The following CYP3A5 variants were observed in gnomAD, a reference collection of about 807,000 sequenced individuals.
CYP3A5 encodes cytochrome P450 family 3 subfamily A member 5, also known as cytochrome P450 3A5.
CYP3A5 carries 51 observed loss-of-function variants against 55.9 expected under a neutral mutation model. That is an observed-to-expected ratio of 0.91 (90% CI 0.73 to 1.15). CYP3A5 has a LOEUF of 1.15. CYP3A5 is among the 50% of genes most tolerant of loss of function. The pLI is 0.00. For missense variants in CYP3A5, 533 were observed against 596.6 expected (o/e 0.89, Z 1.11); for synonymous variants, 196 against 213.9 (o/e 0.92, Z 0.73).
At chr7:99,656,476 G>A (rs1023125806) in intron 10 of CYP3A5, among the ~76,000 whole-genome samples, 5 of 152,046 alleles carry the variant, frequency 3.3e-5, no homozygotes, top group African/African-American at 1.2e-4. Context: ...TGCTGGATTC[G>A]GTTTGCCAGT....
intron 10 of CYP3A5, among the ~76,000 whole-genome samples, chr7:99,656,394 C>T (rs1050967888): frequency 6.6e-5 from 10 of 152,054 alleles, no homozygotes; most frequent in African/African-American, 1.7e-4. Context: ...TATTGATTTG[C>T]GTATGTTGAA....
At chr7:99,667,207 C>A in intron 4 of CYP3A5, 142 bp from the exon 5 acceptor site, 1 of 447,046 alleles carries the variant, frequency 2.2e-6, no homozygotes, top group Non-Finnish European at 3.4e-6. Flanking sequence ...TCAAGATGCT[C>A]AATGGAGATC....
intron 11 of CYP3A5, among the ~76,000 whole-genome samples, chr7:99,651,828 A>C (rs752526859): frequency 2.6e-4 from 40 of 152,150 alleles, no homozygotes; most frequent in Non-Finnish European, 5.3e-4. Flanking sequence ...TCCAAGGAGG[A>C]GTGTGTGAGA....
intron 6 of CYP3A5, among the ~76,000 whole-genome samples, chr7:99,666,285 C>T (rs1051008793): frequency 6.6e-6 from 1 of 152,178 alleles, no homozygotes; most frequent in African/African-American, 2.4e-5. Flanking sequence ...GTTCCATATC[C>T]ACTACACTCA....
intron 1 of CYP3A5, among the ~76,000 whole-genome samples, chr7:99,679,456 A>T (rs2151469154): frequency 6.6e-6 from 1 of 152,274 alleles, no homozygotes. Context: ...TGTACCCAGA[A>T]TCCCCAGAGC....
At chr7:99,673,815 G>A (rs1301631780) in intron 3 of CYP3A5, among the ~76,000 whole-genome samples, 1 of 152,322 alleles carries the variant, frequency 6.6e-6, no homozygotes, top group South Asian at 2.1e-4. Context: ...AAGAAGAGGG[G>A]AATAGGCAGA....
Position 99,665,066 on chromosome 7 carries a change from G to A in CYP3A5, c.670+100C>T, listed in dbSNP as rs182931008. The A allele has an allele frequency of 2.3e-4, 252 of 1,077,338 alleles. No individual in the cohort carries two copies. In the African/African-American group the frequency reaches 3.5e-3, roughly 15 times the overall value. The allele number at this position is 1,077,338 out of a possible 1,614,324, so 66.7% of individuals were successfully genotyped here. A position where few individuals can be genotyped will look rare whatever the true frequency, so the allele number is the denominator to read the frequency against. On this transcript the variant is annotated intron_variant, in intron 7 of 12. Transcript: ENST00000222982. ...ATTTTTGATTATCTTAAAAACAATG[G>A]AATTGTACCTTTTAAGTGGATGAAT...
intron 6 of CYP3A5, among the ~76,000 whole-genome samples, chr7:99,666,328 T>C (rs1316553174): frequency 6.6e-6 from 1 of 152,208 alleles, no homozygotes; most frequent in Non-Finnish European, 1.5e-5. Context: ...TTTTAATTTC[T>C]AAAGTATGTA....
Position 99,667,852 on chromosome 7 carries a change from G to A in CYP3A5, c.319-787C>T, listed in dbSNP as rs550156139. Among the ~76,000 whole-genome samples, 3 of 152,250 alleles carry A rather than the reference G, an allele frequency of 2.0e-5. No homozygotes were observed. In the South Asian group the frequency reaches 6.2e-4, roughly 32 times the overall value. Reference sequence around the variant, plus strand: ...AGTTAAATCACATTTAATGATGAAGGACTGAATGGTTTTTCCAAGATCAAG... The same window carrying A: ...AGTTAAATCACATTTAATGATGAAGAACTGAATGGTTTTTCCAAGATCAAG... On this transcript the variant is annotated intron_variant, in intron 4 of 12. Coordinates refer to ENST00000222982, the MANE Select transcript of CYP3A5 (RefSeq NM_000777.5).
chr7:99,670,508 C>T (rs1811497133), intron 4 of CYP3A5, among the ~76,000 whole-genome samples: 1 of 152,146 alleles, frequency 6.6e-6, no homozygotes, highest in Non-Finnish European at 1.5e-5. Context: ...CTGAAAAAAT[C>T]ATCAATATTT....
rs1809348019 is a variant in CYP3A5, at chr7:99,653,091, C to T, written c.1027-312G>A. ...GAAATGTGATTAATGGGGCTATGAC[C>T]ATTACCACCAAATAAAATACACCAA... On this transcript the variant is annotated intron_variant, in intron 10 of 12. Transcript: ENST00000222982. The surrounding 1 kb of genome is among the most constrained non-coding windows in gnomAD (Gnocchi z 4.2). Among the ~76,000 whole-genome samples the T allele has an allele frequency of 6.6e-6, 1 of 152,114 alleles. No homozygotes were observed. The highest frequency in any genetic ancestry group is 6.5e-5 in the Admixed American group (1 of 15,272).
At chr7:99,672,301 C>T (rs1413928708) in intron 4 of CYP3A5, among the ~76,000 whole-genome samples, 1 of 152,084 alleles carries the variant, frequency 6.6e-6, no homozygotes, top group Non-Finnish European at 1.5e-5. Flanking sequence ...CCACCTGCCT[C>T]GGCCTCCCAA....
intron 1 of CYP3A5, 24 bp from the exon 2 acceptor site, chr7:99,676,232 G>A: frequency 6.2e-7 from 1 of 1,612,816 alleles, no homozygotes; most frequent in Non-Finnish European, 8.5e-7. Flanking sequence ...CAGAAATCAG[G>A]TCACAGGGAT....
At chr7:99,665,015 A>T in intron 7 of CYP3A5, 151 bp downstream of exon 7, 1 of 788,392 alleles carries the variant, frequency 1.3e-6, no homozygotes. Context: ...AAAACATTTT[A>T]GTTTACAATA....
chr7:99,661,988 A>G (rs1360167258), intron 9 of CYP3A5, among the ~76,000 whole-genome samples: 1 of 152,244 alleles, frequency 6.6e-6, no homozygotes, highest in African/African-American at 2.4e-5. Context: ...TCTATATGAA[A>G]CAGTGAAATG....
chr7:99,679,846 G>A lies in CYP3A5; in HGVS notation c.51C>T (p.Val17=). The change falls in exon 1 of 13, where the codon GTC becomes GTT. Residue 17 remains valine (V), a synonymous_variant. Coordinates refer to ENST00000222982, the MANE Select transcript of CYP3A5 (RefSeq NM_000777.5). Reference sequence around the variant, plus strand: ...CTCACAGATAGAGGAGCACCAGGCTGACAGCCAGGAGAAGCCAGGTTTCCA... The same window carrying A: ...CTCACAGATAGAGGAGCACCAGGCTAACAGCCAGGAGAAGCCAGGTTTCCA... ...LAVETWLLLA[V]SLVLLYLYGT... 1 of 1,614,162 alleles carries A rather than the reference G, an allele frequency of 6.2e-7. No individual in the cohort carries two copies. The highest frequency in any genetic ancestry group is 2.2e-5 in the East Asian group (1 of 44,878).
chr7:99,657,987 G>A (rs1215279812), intron 10 of CYP3A5, among the ~76,000 whole-genome samples: 2 of 152,154 alleles, frequency 1.3e-5, no homozygotes, highest in African/African-American at 4.8e-5. Context: ...CTTTGCACGT[G>A]AGATGGGTTT....
At chr7:99,664,252 C>T (rs1001385686) in intron 7 of CYP3A5, among the ~76,000 whole-genome samples, 157 bp from the exon 8 acceptor site, 3 of 152,178 alleles carry the variant, frequency 2.0e-5, no homozygotes, top group Non-Finnish European at 2.9e-5. Flanking sequence ...TTCAGGCCGG[C>T]GACTGAGCAA....
chr7:99,663,614 C>T, intron 8 of CYP3A5: 1 of 998,752 alleles, frequency 1.0e-6, no homozygotes, highest in Non-Finnish European at 1.2e-6. Context: ...GATTCTTTAC[C>T]AATCTGTGAT....
Sources: allele counts gnomAD v4.1 joint callset (sites outside exome capture counted in the v4.1 genomes callset), GRCh38; gene constraint gnomAD v4.1.1; non-coding constraint Gnocchi (gnomAD v3.1); transcripts MANE v1.5; gene names NCBI Gene and HGNC (gene_info 2026-07-23, HGNC 2026-07-21).